PLEKHA1: variants seen among roughly 807,000 people sequenced by gnomAD.
PLEKHA1 encodes the protein pleckstrin homology domain-containing family A member 1.
A neutral mutation model predicts 52.0 loss-of-function variants in PLEKHA1; 34 were observed. That is an observed-to-expected ratio of 0.65 (90% CI 0.50 to 0.87). The LOEUF is 0.87. Among genes scored for constraint, PLEKHA1 ranks in the 40% least tolerant of loss-of-function variants. The probability of loss-of-function intolerance (pLI) is 0.00; values close to 1 mark genes in which losing one functional copy is unlikely to be tolerated. For synonymous variants in PLEKHA1, 163 were observed against 170.7 expected, an observed-to-expected ratio of 0.95 and a Z score of 0.35; for missense variants, 497 against 504.2, an observed-to-expected ratio of 0.99 and a Z score of 0.14.
chr10:122,439,569 GTC>G, the PLEKHA1 span: 1 of 152,016 alleles, frequency 6.6e-6, no homozygotes, highest in Non-Finnish European at 1.5e-5. Flanking sequence ...GCGAAACCCT[GTC>G]TCTACTAAAA....
chr10:122,381,348 C>T (rs2096611852), intron 1 of PLEKHA1, among the ~76,000 whole-genome samples: 1 of 152,044 alleles, frequency 6.6e-6, no homozygotes, highest in African/African-American at 2.4e-5. Context: ...GATTTGTGTC[C>T]CCACCCAAAT....
chr10:122,429,536 T>A, intron 11 of PLEKHA1, 88 bp from the exon 12 acceptor site: 2 of 1,117,912 alleles, frequency 1.8e-6, no homozygotes, highest in Non-Finnish European at 2.6e-6. Context: ...GTGTGTTTTA[T>A]TTGTTTTTCA....
At chr10:122,383,164 A>G (rs555533291) in intron 1 of PLEKHA1, among the ~76,000 whole-genome samples, 34 of 152,262 alleles carry the variant, frequency 2.2e-4, no homozygotes, top group African/African-American at 7.9e-4. Context: ...TAGTGTAACC[A>G]ATCCCATGAA....
chr10:122,413,484 A>G (rs2097133895), intron 6 of PLEKHA1, among the ~76,000 whole-genome samples: 1 of 152,120 alleles, frequency 6.6e-6, no homozygotes, highest in South Asian at 2.1e-4. Flanking sequence ...CAATGCTATG[A>G]TGAATATTCT....
chr10:122,423,965 G>A (rs2133487830), intron 8 of PLEKHA1: 2 of 519,070 alleles, frequency 3.9e-6, no homozygotes, highest in South Asian at 6.8e-5. Flanking sequence ...CAGAAATAAT[G>A]TGAATAAGGG....
chr10:122,440,615 C>T, the PLEKHA1 span: 1 of 152,214 alleles, frequency 6.6e-6, no homozygotes, highest in African/African-American at 2.4e-5. Context: ...CCCATGCCAA[C>T]GTTCAGTACA....
intron 8 of PLEKHA1, 29 bp from the exon 9 acceptor site, chr10:122,424,169 CT>C: frequency 4.1e-6 from 3 of 728,554 alleles, no homozygotes; most frequent in East Asian, 3.4e-5. Context: ...CATCATGTAA[CT>C]GTTTTTTTTT....
At chr10:122,427,255 G>A (rs2097352721) in intron 11 of PLEKHA1, among the ~76,000 whole-genome samples, 2 of 152,318 alleles carry the variant, frequency 1.3e-5, no homozygotes, top group East Asian at 1.9e-4. Context: ...AAATGCACAA[G>A]TAGGGCAACT....
chr10:122,382,372 A>G (rs1228677020), intron 1 of PLEKHA1, among the ~76,000 whole-genome samples: 1 of 152,170 alleles, frequency 6.6e-6, no homozygotes, highest in Non-Finnish European at 1.5e-5. Flanking sequence ...GAATCATACT[A>G]TACTTGGTTT....
In PLEKHA1 at chr10:122,427,046, C is replaced by T; in HGVS notation, c.900+15C>T. On this transcript the variant is annotated intron_variant, in intron 11 of 11. Coordinates refer to ENST00000368990, the MANE Select transcript of PLEKHA1 (RefSeq NM_001001974.4). ...CTGCGTCTTCTGTAGGTTTCCTGCT[C>T]TCTGGGGTGATACTCCCTTGCGTCT... 1.9e-6 allele frequency: 3 copies of T among 1,604,384 alleles called. No individual in the cohort carries two copies. The highest frequency in any genetic ancestry group is 1.7e-6 in the Non-Finnish European group (2 of 1,171,370).
the PLEKHA1 span, chr10:122,441,064 T>C: frequency 6.6e-6 from 1 of 152,190 alleles, no homozygotes; most frequent in African/African-American, 2.4e-5. Flanking sequence ...ACTGAGAACT[T>C]GCTAGAAGTG....
At chr10:122,376,140 C>T (rs1312538195) in intron 1 of PLEKHA1, among the ~76,000 whole-genome samples, 2 of 152,070 alleles carry the variant, frequency 1.3e-5, no homozygotes, top group Non-Finnish European at 2.9e-5. Flanking sequence ...CTGTGTTTTT[C>T]TTCACAATCT....
chr10:122,404,523 A>G (rs1291212219), intron 4 of PLEKHA1, among the ~76,000 whole-genome samples: 2 of 152,230 alleles, frequency 1.3e-5, no homozygotes, highest in African/African-American at 4.8e-5. Flanking sequence ...AGAAGCCATT[A>G]TGAATGAGGA....
In PLEKHA1 at chr10:122,402,294, T is replaced by G. The variant is rs148168938; in HGVS notation, c.244+1906T>G. 9.0e-3 allele frequency among the ~76,000 whole-genome samples: 1,370 copies of G among 152,304 alleles called. 12 individuals carry two copies. Among genetic ancestry groups the G allele is most frequent in the Middle Eastern group, 0.024 (7 of 294 alleles). On this transcript the variant is annotated intron_variant, in intron 4 of 11. Transcript: ENST00000368990. Reference sequence around the variant, plus strand: ...AGGCAATAGTTTATTAGTCCTCTACTGTTAGTGGGAGTAAAGATTCATGAA... The same window carrying G: ...AGGCAATAGTTTATTAGTCCTCTACGGTTAGTGGGAGTAAAGATTCATGAA...
At chr10:122,407,507 T>C (rs1706957384) in intron 5 of PLEKHA1, among the ~76,000 whole-genome samples, 1 of 152,198 alleles carries the variant, frequency 6.6e-6, no homozygotes. Flanking sequence ...GCCCGAACTC[T>C]GAAGTGCAGT....
intron 6 of PLEKHA1, among the ~76,000 whole-genome samples, 168 bp downstream of exon 6, chr10:122,413,213 A>G (rs2097130648): frequency 1.3e-5 from 2 of 152,196 alleles, no homozygotes. Context: ...TGGAAATTAC[A>G]TAACATTTAA....
At chr10:122,416,622 A>G (rs1252820413) in intron 7 of PLEKHA1, among the ~76,000 whole-genome samples, 1 of 152,232 alleles carries the variant, frequency 6.6e-6, no homozygotes, top group African/African-American at 2.4e-5. Context: ...GTATTCCCAT[A>G]TAATCAGTTC....
intron 5 of PLEKHA1, among the ~76,000 whole-genome samples, chr10:122,410,476 G>A (rs1201311883): frequency 6.6e-6 from 1 of 152,158 alleles, no homozygotes; most frequent in African/African-American, 2.4e-5. Flanking sequence ...TCCTGAAAAT[G>A]TCTATCTTAA....
chr10:122,388,464 G>A (rs2096731664), intron 1 of PLEKHA1, among the ~76,000 whole-genome samples: 1 of 152,086 alleles, frequency 6.6e-6, no homozygotes, highest in African/African-American at 2.4e-5. Flanking sequence ...ATATACAAGG[G>A]TTTATTTGAC....
Sources: gnomAD v4.1 joint callset for allele counts (sites outside exome capture counted in the v4.1 genomes callset) on GRCh38, gnomAD v4.1.1 for gene constraint, MANE v1.5 for transcripts, NCBI Gene and HGNC (gene_info 2026-07-23, HGNC 2026-07-21) for gene names.